Variants in COL28A1 observed in about 807,000 individuals in gnomAD.
COL28A1 encodes the protein collagen alpha-1(XXVIII) chain.
In COL28A1, 161 loss-of-function variants were observed where a neutral mutation model predicts 150.2. That is an observed-to-expected ratio of 1.07 (90% confidence interval 0.94 to 1.22). The LOEUF (loss-of-function observed/expected upper bound fraction) is 1.22, where lower values mean the gene tolerates loss of function less well. Among genes scored for constraint, COL28A1 ranks in the 50% most tolerant of loss-of-function variants. COL28A1 has a pLI of 0.00. For synonymous variants in COL28A1, 552 were observed against 469.7 expected, an observed-to-expected ratio of 1.18 and a Z score of -2.26; for missense variants, 1,617 against 1,388.3, an observed-to-expected ratio of 1.16 and a Z score of -2.62.
At chr7:7,401,705 T>C (rs1783214839) in intron 27 of COL28A1, among the ~76,000 whole-genome samples, 1 of 152,032 alleles carries the variant, frequency 6.6e-6, no homozygotes, top group South Asian at 2.1e-4. Context: ...GGCAATACAT[T>C]TCTATCTTAC....
chr7:7,532,319 A>C (rs1782413007), intron 2 of COL28A1, among the ~76,000 whole-genome samples: 1 of 152,040 alleles, frequency 6.6e-6, no homozygotes, highest in Non-Finnish European at 1.5e-5. Flanking sequence ...CTTTCTTGAA[A>C]TCAAGGGAGA....
the COL28A1 span, among the ~76,000 whole-genome samples, chr7:7,348,893 C>T: frequency 6.6e-6 from 1 of 152,042 alleles, no homozygotes. Context: ...CAAGCACCTG[C>T]CGCCACACCC....
intron 1 of COL28A1, among the ~76,000 whole-genome samples, chr7:7,533,854 C>T (rs1044170299): frequency 1.3e-5 from 2 of 152,118 alleles, no homozygotes; most frequent in African/African-American, 4.8e-5. Flanking sequence ...AAGCTTATTT[C>T]GAATCAATAC....
intron 15 of COL28A1, among the ~76,000 whole-genome samples, chr7:7,471,467 T>C (rs1583450864): frequency 6.6e-6 from 1 of 152,296 alleles, no homozygotes; most frequent in South Asian, 2.1e-4. Flanking sequence ...GCTAAAATCC[T>C]TAACAAAATA....
intron 28 of COL28A1, among the ~76,000 whole-genome samples, chr7:7,381,250 T>C (rs997845543): frequency 6.6e-6 from 1 of 151,902 alleles, no homozygotes; most frequent in Non-Finnish European, 1.5e-5. Flanking sequence ...ATAAAGAAAA[T>C]GAGATTTTTT....
chr7:7,383,682 G>GTATATATATATATATATATA (rs772285848), intron 27 of COL28A1, among the ~76,000 whole-genome samples: 13 of 124,086 alleles, frequency 1.0e-4, no homozygotes, highest in South Asian at 2.7e-4. Flanking sequence ...GTGTGTGTGT[G>GTATATATATATATATATATA]TATATATATA....
At chr7:7,413,189 G>C (rs1306759154) in intron 27 of COL28A1, among the ~76,000 whole-genome samples, 4 of 152,044 alleles carry the variant, frequency 2.6e-5, no homozygotes, top group Admixed American at 6.5e-5. Flanking sequence ...CTGTCATTGA[G>C]GCTATTTTTT....
At chr7:7,501,336 C>T (rs760272772) in intron 11 of COL28A1, among the ~76,000 whole-genome samples, 16 of 152,168 alleles carry the variant, frequency 1.1e-4, no homozygotes, top group Non-Finnish European at 2.2e-4. Context: ...ATGGTACTTT[C>T]CCTTGGGAAA....
At chr7:7,383,440 G>T (rs867564031) in intron 27 of COL28A1, among the ~76,000 whole-genome samples, 6 of 151,538 alleles carry the variant, frequency 4.0e-5, no homozygotes, top group Admixed American at 1.3e-4. Context: ...CACTATGCCT[G>T]GCTAATTTTT....
chr7:7,403,485 A>G (rs1294695962), intron 27 of COL28A1, among the ~76,000 whole-genome samples: 1 of 152,132 alleles, frequency 6.6e-6, no homozygotes, highest in African/African-American at 2.4e-5. Flanking sequence ...CTCACATTTT[A>G]CTGTGGATGA....
intron 18 of COL28A1, among the ~76,000 whole-genome samples, chr7:7,450,117 C>T (rs1263637503): frequency 6.6e-6 from 1 of 151,998 alleles, no homozygotes; most frequent in African/African-American, 2.4e-5. Context: ...GGCACTGATA[C>T]TCAAAATATG....
chr7:7,472,214 T>C (rs1263148673), intron 15 of COL28A1, among the ~76,000 whole-genome samples: 1 of 151,984 alleles, frequency 6.6e-6, no homozygotes. Context: ...TCCAAATCAA[T>C]AAATAGAAAG....
chr7:7,370,038 A>T lies in COL28A1; in HGVS notation c.3066+687T>A, dbSNP rs548315910. Among the ~76,000 whole-genome samples, 4 of 152,238 alleles carry T rather than the reference A, an allele frequency of 2.6e-5. No individual in the cohort carries two copies. In the East Asian group the frequency reaches 7.7e-4, roughly 29 times the overall value. On this transcript the variant is annotated intron_variant, in intron 33 of 34. Coordinates refer to ENST00000399429, the MANE Select transcript of COL28A1 (RefSeq NM_001037763.3). ...AAAAAGGCTCCCCCATTTTCTCCTT[A>T]AAAAAACTAATATTTGCCCATAATC... is the stretch of plus-strand genomic sequence containing the variant.
At chr7:7,533,330 G>A (rs769161661) in intron 1 of COL28A1, among the ~76,000 whole-genome samples, 9 of 151,988 alleles carry the variant, frequency 5.9e-5, no homozygotes, top group Non-Finnish European at 8.8e-5. Flanking sequence ...CATTATAACT[G>A]ATTCCTGACA....
At chr7:7,439,360 C>CA (rs549369705) in intron 21 of COL28A1, among the ~76,000 whole-genome samples, 31 of 152,074 alleles carry the variant, frequency 2.0e-4, no homozygotes, top group Non-Finnish European at 3.4e-4. Flanking sequence ...TCGGGAAACA[C>CA]AAAAAAACCC....
Position 7,452,314 on chromosome 7 carries a change from C to T in COL28A1, c.1509+5G>A. ...CATATCACTTCTGAGCAGCAGTCAA[C>T]TCACCTTTGGACCTTGTACTCCAAT... On this transcript the variant is annotated splice_donor_5th_base_variant and intron_variant, in intron 18 of 34. Coordinates refer to ENST00000399429, the MANE Select transcript of COL28A1 (RefSeq NM_001037763.3). 1 of 1,601,266 alleles carries T rather than the reference C, an allele frequency of 6.2e-7. No individual in the cohort carries two copies.
At chr7:7,442,555 T>C (rs778395379) in intron 20 of COL28A1, among the ~76,000 whole-genome samples, 10 of 152,148 alleles carry the variant, frequency 6.6e-5, no homozygotes, top group Non-Finnish European at 1.3e-4. Context: ...AGCCTACAAA[T>C]ATATTTAAAT....
At position 7,477,174 on chromosome 7, in the gene COL28A1, G is replaced by T; in HGVS notation, c.1171C>A (p.Arg391Ser). Residue 391 changes from arginine (R) to serine (S), a missense_variant, in exon 14 of 35, where the codon CGT becomes AGT. Arg to Ser is a moderately radical substitution (Grantham distance 110). Coordinates refer to ENST00000399429, the MANE Select transcript of COL28A1 (RefSeq NM_001037763.3). ...TCTCCTGGTACTCCCTCAGGACCAC[G>T]GGGACCCTGGTTAGGATAGGAGAAA... ...GVGEPGQPGP[R>S]GPEGVPGERG... 1.6e-6 allele frequency: 2 copies of T among 1,234,250 alleles called. No individual in the cohort carries two copies. The highest frequency in any genetic ancestry group is 2.4e-6 in the Non-Finnish European group (2 of 832,734). The allele number at this position is 1,234,250 out of a possible 1,614,324, so 76.5% of individuals were successfully genotyped here.
At chr7:7,494,839 T>C (rs1049143482) in intron 11 of COL28A1, among the ~76,000 whole-genome samples, 1 of 152,150 alleles carries the variant, frequency 6.6e-6, no homozygotes, top group Non-Finnish European at 1.5e-5. Flanking sequence ...CCTTAAGGAA[T>C]TGGGAAAGTT....
Sources: gnomAD v4.1 joint callset for allele counts (sites outside exome capture counted in the v4.1 genomes callset) on GRCh38, gnomAD v4.1.1 for gene constraint, MANE v1.5 for transcripts, NCBI Gene and HGNC (gene_info 2026-07-23, HGNC 2026-07-21) for gene names.